MSI2: variants seen among roughly 807,000 people sequenced by gnomAD.
MSI2 encodes the protein RNA-binding protein Musashi homolog 2.
MSI2 carries 17 observed loss-of-function variants against 45.6 expected under a neutral mutation model. The observed-to-expected ratio is 0.37, with a 90% CI of 0.26 to 0.56. MSI2 has a LOEUF of 0.56. MSI2 is among the 20% of genes least tolerant of loss of function. MSI2 has a pLI of 0.77. For missense variants in MSI2, 293 were observed against 444.2 expected (o/e 0.66, Z 3.06); for synonymous variants, 156 against 158.2 (o/e 0.99, Z 0.11).
At chr17:57,585,896 G>A (rs771548416) in intron 7 of MSI2, among the ~76,000 whole-genome samples, 1 of 152,246 alleles carries the variant, frequency 6.6e-6, no homozygotes, top group Non-Finnish European at 1.5e-5. Context: ...CTGCGCACAC[G>A]ACCTCAGCCT....
intron 6 of MSI2, among the ~76,000 whole-genome samples, chr17:57,412,799 G>C (rs1176063269): frequency 6.6e-6 from 1 of 152,224 alleles, no homozygotes; most frequent in African/African-American, 2.4e-5. Flanking sequence ...CATATTGCCT[G>C]CTAATAAGAG....
chr17:57,390,206 A>T (rs2083762672), intron 5 of MSI2, among the ~76,000 whole-genome samples: 3 of 152,200 alleles, frequency 2.0e-5, no homozygotes, highest in Admixed American at 2.0e-4. Flanking sequence ...AGTGAGCTAT[A>T]GTCATGCCAC....
intron 7 of MSI2, among the ~76,000 whole-genome samples, chr17:57,582,785 A>G (rs2144375703): frequency 6.6e-6 from 1 of 152,352 alleles, no homozygotes; most frequent in Middle Eastern, 3.4e-3. Flanking sequence ...TATTTTTAAC[A>G]AATGGGTTCA....
intron 10 of MSI2, chr17:57,632,416 A>T (rs973541418): frequency 7.5e-6 from 8 of 1,066,020 alleles, no homozygotes; most frequent in Admixed American, 1.1e-4. Context: ...TGTTGGCATA[A>T]TCACAAGCCT....
intron 6 of MSI2, among the ~76,000 whole-genome samples, chr17:57,442,593 G>T (rs538216972): frequency 2.6e-5 from 4 of 152,110 alleles, no homozygotes; most frequent in Admixed American, 1.3e-4. Context: ...GCCTCTCCTC[G>T]TGTGTTTCTT....
intron 5 of MSI2, among the ~76,000 whole-genome samples, chr17:57,306,120 C>G (rs945351818): frequency 5.3e-5 from 8 of 151,902 alleles, no homozygotes; most frequent in African/African-American, 1.9e-4. Context: ...TTTGCTTGCT[C>G]TGGGGGTTGG....
At chr17:57,507,182 G>C (rs979609301) in intron 6 of MSI2, among the ~76,000 whole-genome samples, 2 of 148,494 alleles carry the variant, frequency 1.3e-5, no homozygotes, top group African/African-American at 5.1e-5. Context: ...TGTTGGGGGG[G>C]GGGGGTGTAA....
At chr17:57,402,411 T>A (rs2084010058) in intron 6 of MSI2, among the ~76,000 whole-genome samples, 1 of 152,204 alleles carries the variant, frequency 6.6e-6, no homozygotes, top group Admixed American at 6.5e-5. Context: ...GGGTCTTCCC[T>A]GCTGAAGGGC....
intron 6 of MSI2, among the ~76,000 whole-genome samples, chr17:57,524,486 AT>A (rs1455262882): frequency 6.6e-6 from 1 of 152,252 alleles, no homozygotes; most frequent in African/African-American, 2.4e-5. Context: ...TAAGTTTTCT[AT>A]TCAAGATTGG....
chr17:57,287,949 G>A (rs1185357250), intron 5 of MSI2, among the ~76,000 whole-genome samples: 7 of 152,168 alleles, frequency 4.6e-5, no homozygotes, highest in South Asian at 2.1e-4. Flanking sequence ...AGGCCAGGGC[G>A]GCACCAGGAG....
At chr17:57,281,746 C>T (rs945243094) in intron 5 of MSI2, among the ~76,000 whole-genome samples, 4 of 152,214 alleles carry the variant, frequency 2.6e-5, no homozygotes, top group African/African-American at 7.2e-5. Flanking sequence ...CGTTCTGCCT[C>T]AGTGAGGCCT....
chr17:57,270,185 G>A (rs1598050815), intron 5 of MSI2, among the ~76,000 whole-genome samples: 2 of 152,302 alleles, frequency 1.3e-5, no homozygotes, highest in South Asian at 2.1e-4. Context: ...CATTTATTGT[G>A]AGTTTATATG....
chr17:57,548,907 C>G (rs1358197802), intron 7 of MSI2, among the ~76,000 whole-genome samples: 17 of 113,610 alleles, frequency 1.5e-4, no homozygotes, highest in South Asian at 3.5e-4. Flanking sequence ...TTCCCCCCCC[C>G]ACCCCCCCGC....
intron 6 of MSI2, among the ~76,000 whole-genome samples, chr17:57,453,168 T>C (rs1422539757): frequency 6.6e-6 from 1 of 152,000 alleles, no homozygotes; most frequent in East Asian, 1.9e-4. Context: ...ACCTGGCTAA[T>C]TTTTGTATTT....
At chr17:57,271,878 G>A (rs183502151) in intron 5 of MSI2, among the ~76,000 whole-genome samples, 59 of 151,798 alleles carry the variant, frequency 3.9e-4, no homozygotes, top group Admixed American at 9.8e-4. Context: ...GGAGGGAGGC[G>A]CTATAAAAGT....
At chr17:57,464,677 C>T (rs143489310) in intron 6 of MSI2, among the ~76,000 whole-genome samples, 1 of 152,258 alleles carries the variant, frequency 6.6e-6, no homozygotes, top group East Asian at 1.9e-4. Context: ...CATCCTCCCA[C>T]GCTGCTGCCC....
chr17:57,632,935 G>C, intron 10 of MSI2: 1 of 1,057,018 alleles, frequency 9.5e-7, no homozygotes. Flanking sequence ...TTTCCTGCAG[G>C]CTTTTCCATG....
chr17:57,394,865 G>A (rs111556545), intron 5 of MSI2, among the ~76,000 whole-genome samples: 4 of 152,234 alleles, frequency 2.6e-5, no homozygotes, highest in Admixed American at 6.5e-5. Flanking sequence ...GTGTCCTTGC[G>A]CTTCTCCCGA....
At chr17:57,459,997 C>T (rs1483226244) in intron 6 of MSI2, among the ~76,000 whole-genome samples, 1 of 151,946 alleles carries the variant, frequency 6.6e-6, no homozygotes, top group African/African-American at 2.4e-5. Context: ...GGCGTGATGA[C>T]AGGCACCTGT....
Sources: gnomAD v4.1 joint callset for allele counts (sites outside exome capture counted in the v4.1 genomes callset) on GRCh38, gnomAD v4.1.1 for gene constraint, MANE v1.5 for transcripts, NCBI Gene and HGNC (gene_info 2026-07-23, HGNC 2026-07-21) for gene names.